The following DIAPH2 variants were observed in gnomAD, a reference collection of about 807,000 sequenced individuals.
DIAPH2 encodes the protein diaphanous related formin 2.
DIAPH2 carries 35 observed loss-of-function variants against 92.7 expected under a neutral mutation model. The observed-to-expected ratio is 0.38, with a 90% CI of 0.29 to 0.50. The LOEUF is 0.50. Among genes scored for constraint, DIAPH2 ranks in the 20% least tolerant of loss-of-function variants. DIAPH2 has a pLI of 0.94. For synonymous variants in DIAPH2, 301 were observed against 280.4 expected (o/e 1.07, Z -0.73); for missense variants, 701 against 819.5 (o/e 0.86, Z 1.77).
At chrX:97,572,922 G>A (rs762539029) in intron 26 of DIAPH2, among the ~76,000 whole-genome samples, 24 of 111,957 alleles carry the variant, frequency 2.1e-4, no homozygotes, top group Non-Finnish European at 4.1e-4. Flanking sequence ...TTCCAGGAAA[G>A]TACAGTATCT....
chrX:97,020,330 A>G (rs1480790804), intron 17 of DIAPH2, among the ~76,000 whole-genome samples: 2 of 111,967 alleles, frequency 1.8e-5, no homozygotes, highest in Admixed American at 1.9e-4. Flanking sequence ...GCATGTAGGT[A>G]TATCTTATGG....
At chrX:96,799,897 A>G (rs918319250) in intron 4 of DIAPH2, among the ~76,000 whole-genome samples, 5 of 110,243 alleles carry the variant, frequency 4.5e-5, no homozygotes, top group Admixed American at 9.7e-5. Context: ...AAATATATAA[A>G]TTACCATGGG....
chrX:97,331,175 T>C (rs1392922097), intron 23 of DIAPH2, among the ~76,000 whole-genome samples: 1 of 111,618 alleles, frequency 9.0e-6, no homozygotes, highest in African/African-American at 3.3e-5. Context: ...TTGTTTGTTT[T>C]CCTCAAGCAG....
At chrX:96,823,696 C>T (rs1399917674) in intron 4 of DIAPH2, among the ~76,000 whole-genome samples, 1 of 110,816 alleles carries the variant, frequency 9.0e-6, no homozygotes, top group Non-Finnish European at 1.9e-5. Context: ...TCTTTATTCT[C>T]TCAGTGTTGC....
chrX:96,837,445 G>C (rs965444658), intron 4 of DIAPH2, among the ~76,000 whole-genome samples: 259 of 103,388 alleles, frequency 2.5e-3, no homozygotes, highest in Middle Eastern at 4.7e-3. Flanking sequence ...GTGTGTGTGT[G>C]TGTGTGTGTG....
chrX:97,141,172 G>A (rs1161323960), intron 21 of DIAPH2, among the ~76,000 whole-genome samples: 1 of 110,676 alleles, frequency 9.0e-6, no homozygotes, highest in Non-Finnish European at 1.9e-5. Flanking sequence ...GCACAACCTT[G>A]AGAATTATTT....
At chrX:96,813,085 G>C (rs945084350) in intron 4 of DIAPH2, among the ~76,000 whole-genome samples, 7 of 111,182 alleles carry the variant, frequency 6.3e-5, no homozygotes. Flanking sequence ...TTGTTAACCT[G>C]CTGTCTCATT....
chrX:96,889,661 T>A (rs2065294031), intron 5 of DIAPH2, among the ~76,000 whole-genome samples: 1 of 111,757 alleles, frequency 8.9e-6, no homozygotes, highest in Non-Finnish European at 1.9e-5. Context: ...ATTCAGACAA[T>A]TTTTTTAAAG....
At chrX:97,312,221 A>C (rs374449177) in intron 23 of DIAPH2, among the ~76,000 whole-genome samples, 3 of 111,150 alleles carry the variant, frequency 2.7e-5, no homozygotes, top group East Asian at 5.6e-4. Flanking sequence ...GGTTAAAAGC[A>C]AGATGAAGTT....
intron 17 of DIAPH2, among the ~76,000 whole-genome samples, chrX:96,989,127 A>AT (rs1315701816): frequency 8.9e-6 from 1 of 111,898 alleles, no homozygotes; most frequent in South Asian, 3.7e-4. Context: ...TATCCAGGAA[A>AT]TTTTAAAAGG....
At chrX:97,521,571 G>A (rs2070991359) in intron 26 of DIAPH2, among the ~76,000 whole-genome samples, 1 of 109,057 alleles carries the variant, frequency 9.2e-6, no homozygotes, top group African/African-American at 3.5e-5. Flanking sequence ...GGACCCAGTG[G>A]GAGGTAATTG....
In DIAPH2 at chrX:97,185,294, C is replaced by CAAA. The variant is rs1306919184; in HGVS notation, c.2719+43511_2719+43513dup. 4.1e-3 allele frequency among the ~76,000 whole-genome samples: 57 copies of CAAA among 13,816 alleles called. 14 individuals carry two copies. The highest frequency in any genetic ancestry group is 4.0e-3 in the Admixed American group (3 of 742). 12.0% of individuals were successfully genotyped at this position (13,816 alleles called of 115,157 possible). On this transcript the variant is annotated intron_variant, in intron 22 of 26. Coordinates refer to ENST00000324765, the MANE Select transcript of DIAPH2 (RefSeq NM_006729.5). ...TGGGAGACAGAGTGAGACCCTGTCTCAAAAAAAAAAAAATATATATATATA... is the reference window on the plus strand; with the variant it reads ...TGGGAGACAGAGTGAGACCCTGTCTCAAAAAAAAAAAAAAAATATATATATATA...
chrX:96,771,974 C>CT (rs1251251350), intron 4 of DIAPH2, among the ~76,000 whole-genome samples: 2 of 110,635 alleles, frequency 1.8e-5, no homozygotes, highest in Non-Finnish European at 3.8e-5. Flanking sequence ...GAAGTCAAGG[C>CT]TGCAGTGAGC....
chrX:97,510,282 T>C (rs2147836424), intron 26 of DIAPH2, among the ~76,000 whole-genome samples: 1 of 111,823 alleles, frequency 8.9e-6, no homozygotes, highest in South Asian at 3.7e-4. Flanking sequence ...TTTTTTCATG[T>C]GTCTTTTGGC....
intron 22 of DIAPH2, among the ~76,000 whole-genome samples, chrX:97,167,937 C>A (rs759001411): frequency 2.8e-4 from 31 of 111,471 alleles, no homozygotes; most frequent in African/African-American, 8.8e-4. Flanking sequence ...AAAGAAAATT[C>A]TTTCAATTAG....
intron 26 of DIAPH2, among the ~76,000 whole-genome samples, chrX:97,500,270 G>C (rs775874850): frequency 1.8e-5 from 2 of 111,401 alleles, no homozygotes; most frequent in South Asian, 7.6e-4. Context: ...CACCTTCTGA[G>C]CTCTGAAAGC....
chrX:97,364,346 C>A (rs948093760), intron 24 of DIAPH2, among the ~76,000 whole-genome samples: 2 of 112,009 alleles, frequency 1.8e-5, no homozygotes, highest in Non-Finnish European at 3.8e-5. Context: ...CTGATCCAGC[C>A]CACCCTGTCT....
chrX:97,256,154 G>T (rs2068234514), intron 23 of DIAPH2, among the ~76,000 whole-genome samples: 1 of 112,112 alleles, frequency 8.9e-6, no homozygotes, highest in Non-Finnish European at 1.9e-5. Context: ...ACCTTTCTGT[G>T]GGATTTATTC....
At chrX:97,437,423 C>A (rs1166952229) in intron 26 of DIAPH2, among the ~76,000 whole-genome samples, 5 of 111,507 alleles carry the variant, frequency 4.5e-5, no homozygotes, top group Non-Finnish European at 9.4e-5. Context: ...GTGCTAGGGC[C>A]TTGGAGTACA....
Sources: gnomAD v4.1 joint callset for allele counts (sites outside exome capture counted in the v4.1 genomes callset) on GRCh38, gnomAD v4.1.1 for gene constraint, MANE v1.5 for transcripts, NCBI Gene and HGNC (gene_info 2026-07-23, HGNC 2026-07-21) for gene names.